Variants in ZMAT4 observed in about 807,000 individuals in gnomAD.
ZMAT4 encodes zinc finger matrin-type 4.
ZMAT4 carries 17 observed loss-of-function variants against 28.7 expected under a neutral mutation model. The observed-to-expected ratio is 0.59, with a 90% confidence interval of 0.41 to 0.89. ZMAT4 has a LOEUF of 0.89. Ranked by LOEUF, ZMAT4 falls within the 40% of genes least tolerant of loss-of-function variation. ZMAT4 has a pLI of 0.00. For synonymous variants in ZMAT4, 117 were observed against 109.2 expected, an observed-to-expected ratio of 1.07 and a Z score of -0.44; for missense variants, 240 against 283.8, an observed-to-expected ratio of 0.85 and a Z score of 1.11.
At chr8:40,714,578 C>CA (rs1457184954) in intron 3 of ZMAT4, among the ~76,000 whole-genome samples, 1 of 152,134 alleles carries the variant, frequency 6.6e-6, no homozygotes, top group East Asian at 1.9e-4. Flanking sequence ...AACCCTCCAC[C>CA]AGGCACTGTC....
intron 1 of ZMAT4, among the ~76,000 whole-genome samples, chr8:40,874,157 T>C (rs911205299): frequency 1.3e-5 from 2 of 152,184 alleles, no homozygotes; most frequent in African/African-American, 4.8e-5. Context: ...GTTGTCAGCC[T>C]CTTTCATGGC....
At chr8:40,617,174 T>G (rs1217358897) in intron 5 of ZMAT4, among the ~76,000 whole-genome samples, 1 of 152,174 alleles carries the variant, frequency 6.6e-6, no homozygotes, top group African/African-American at 2.4e-5. Flanking sequence ...TTATATATTG[T>G]TAACAAAAAG....
At chr8:40,598,148 G>T (rs1805164386) in intron 5 of ZMAT4, among the ~76,000 whole-genome samples, 1 of 152,124 alleles carries the variant, frequency 6.6e-6, no homozygotes, top group African/African-American at 2.4e-5. Flanking sequence ...TGAGTGATAT[G>T]CTTTCTTTGA....
intron 5 of ZMAT4, among the ~76,000 whole-genome samples, chr8:40,611,364 T>C (rs1168519369): frequency 1.3e-5 from 2 of 152,164 alleles, no homozygotes; most frequent in African/African-American, 2.4e-5. Context: ...TCACTTTTTT[T>C]TTTTTTAAGA....
intron 1 of ZMAT4, among the ~76,000 whole-genome samples, chr8:40,843,621 T>C (rs1308265659): frequency 6.6e-6 from 1 of 152,228 alleles, no homozygotes; most frequent in Non-Finnish European, 1.5e-5. Flanking sequence ...CTTAGCACTT[T>C]TCCAGCCTTC....
At chr8:40,550,944 T>C (rs1803351255) in intron 6 of ZMAT4, among the ~76,000 whole-genome samples, 1 of 152,212 alleles carries the variant, frequency 6.6e-6, no homozygotes, top group African/African-American at 2.4e-5. Flanking sequence ...GAGAATATCA[T>C]ATAGACTTTA....
intron 2 of ZMAT4, chr8:40,808,362 G>A (rs945257202): frequency 2.3e-5 from 7 of 299,140 alleles, no homozygotes; most frequent in African/African-American, 1.6e-4. Context: ...ATGTGGTAAT[G>A]AAAATGCAGC....
chr8:40,625,698 G>C (rs994244414), intron 5 of ZMAT4, among the ~76,000 whole-genome samples: 1 of 152,146 alleles, frequency 6.6e-6, no homozygotes, highest in Non-Finnish European at 1.5e-5. Context: ...GAAAGTTAAG[G>C]CTGAGATATT....
At chr8:40,673,234 A>G (rs750375927) in intron 5 of ZMAT4, among the ~76,000 whole-genome samples, 7 of 152,156 alleles carry the variant, frequency 4.6e-5, no homozygotes, top group African/African-American at 7.2e-5. Context: ...TTCCAAATCA[A>G]GTATATTCCC....
At chr8:40,818,705 AG>A (rs1249539153) in intron 2 of ZMAT4, among the ~76,000 whole-genome samples, 1 of 152,218 alleles carries the variant, frequency 6.6e-6, no homozygotes, top group Non-Finnish European at 1.5e-5. Context: ...TGGGCCTAGC[AG>A]GCCCCGACAG....
At chr8:40,680,064 T>A (rs1276360992) in intron 4 of ZMAT4, among the ~76,000 whole-genome samples, 4 of 152,162 alleles carry the variant, frequency 2.6e-5, no homozygotes, top group Non-Finnish European at 5.9e-5. Flanking sequence ...AGGTAACATG[T>A]CAAAGTGTAC....
At chr8:40,884,855 A>G (rs1377799983) in intron 1 of ZMAT4, 1 of 152,204 alleles carries the variant, frequency 6.6e-6, no homozygotes, top group Non-Finnish European at 1.5e-5. Flanking sequence ...CTTCATTTAT[A>G]TGTCCTCTAT....
At chr8:40,613,178 TTC>T (rs1277297093) in intron 5 of ZMAT4, among the ~76,000 whole-genome samples, 1 of 63,454 alleles carries the variant, frequency 1.6e-5, no homozygotes, top group African/African-American at 4.9e-5. Context: ...CTTACTTTCT[TTC>T]TTTTTTTTTT....
At chr8:40,751,292 A>T (rs771718282) in intron 3 of ZMAT4, among the ~76,000 whole-genome samples, 44 of 152,300 alleles carry the variant, frequency 2.9e-4, no homozygotes, top group Admixed American at 2.7e-3. Flanking sequence ...TACAGGAAGC[A>T]TGGTGCCAGC....
intron 1 of ZMAT4, among the ~76,000 whole-genome samples, chr8:40,849,086 T>C (rs1216561247): frequency 3.3e-5 from 5 of 152,202 alleles, no homozygotes; most frequent in Non-Finnish European, 7.3e-5. Context: ...CATCCCATGC[T>C]GGCATCAGAA....
chr8:40,699,399 G>A (rs556921436), intron 3 of ZMAT4, among the ~76,000 whole-genome samples: 8 of 152,108 alleles, frequency 5.3e-5, no homozygotes, highest in South Asian at 2.1e-4. Flanking sequence ...GGCTATTAGC[G>A]TAACAAAGAA....
intron 5 of ZMAT4, among the ~76,000 whole-genome samples, chr8:40,637,287 A>G (rs964150114): frequency 2.0e-5 from 3 of 152,198 alleles, no homozygotes; most frequent in Admixed American, 1.3e-4. Flanking sequence ...AATGGAAGCA[A>G]TTTTAGAAAC....
intron 5 of ZMAT4, among the ~76,000 whole-genome samples, chr8:40,668,368 G>T (rs1227608948): frequency 6.6e-6 from 1 of 151,400 alleles, no homozygotes; most frequent in East Asian, 1.9e-4. Context: ...TACTCCAGAG[G>T]CTGAGGCAGG....
chr8:40,557,918 G>A (rs1045846644), intron 6 of ZMAT4, among the ~76,000 whole-genome samples: 3 of 152,142 alleles, frequency 2.0e-5, no homozygotes, highest in African/African-American at 4.8e-5. Flanking sequence ...GAATATAATG[G>A]GGGTTAACTG....
Sources: gnomAD v4.1 joint callset for allele counts (sites outside exome capture counted in the v4.1 genomes callset) on GRCh38, gnomAD v4.1.1 for gene constraint, MANE v1.5 for transcripts, NCBI Gene and HGNC (gene_info 2026-07-23, HGNC 2026-07-21) for gene names.